Variants in GALK2 observed in about 807,000 individuals in gnomAD.
The protein encoded by GALK2 is N-acetylgalactosamine kinase.
A neutral mutation model predicts 52.4 loss-of-function variants in GALK2; 36 were observed. That is an observed-to-expected ratio of 0.69 (90% confidence interval 0.53 to 0.91). GALK2 has a LOEUF of 0.91. Ranked by LOEUF, GALK2 falls within the 40% of genes least tolerant of loss-of-function variation. The pLI, the probability that GALK2 is intolerant of heterozygous loss-of-function variation, is 0.00. For synonymous variants in GALK2, 176 were observed against 199.1 expected (o/e 0.88, Z 0.98); for missense variants, 579 against 559.1 (o/e 1.04, Z -0.36).
At chr15:49,181,861 T>C (rs2085997537) in intron 1 of GALK2, among the ~76,000 whole-genome samples, 1 of 152,106 alleles carries the variant, frequency 6.6e-6, no homozygotes, top group African/African-American at 2.4e-5. Flanking sequence ...TTATTTTTTA[T>C]GGGTACATAA....
intron 1 of GALK2, among the ~76,000 whole-genome samples, chr15:49,158,142 T>C (rs545380413): frequency 6.6e-6 from 1 of 152,262 alleles, no homozygotes; most frequent in Non-Finnish European, 1.5e-5. Flanking sequence ...GCAGCACACC[T>C]CAGAGAAGGG....
At chr15:49,156,753 T>C (rs556568735) in intron 1 of GALK2, 1 of 569,834 alleles carries the variant, frequency 1.8e-6, no homozygotes, top group East Asian at 4.7e-5. Context: ...GAATATCATT[T>C]AGAACAGAAA....
chr15:49,336,900 G>A (rs1034579302), intron 3 of GALK2, among the ~76,000 whole-genome samples: 6 of 152,066 alleles, frequency 3.9e-5, no homozygotes, highest in African/African-American at 7.2e-5. Context: ...TTGTTGACAC[G>A]TTTATGTCCA....
At chr15:49,266,555 G>T (rs953807326) in intron 5 of GALK2, among the ~76,000 whole-genome samples, 1 of 152,022 alleles carries the variant, frequency 6.6e-6, no homozygotes, top group Non-Finnish European at 1.5e-5. Context: ...TACTTCTCTG[G>T]TCTCCATTTT....
chr15:49,229,810 A>C (rs1265774881), intron 3 of GALK2, among the ~76,000 whole-genome samples: 1 of 151,932 alleles, frequency 6.6e-6, no homozygotes, highest in Admixed American at 6.6e-5. Context: ...TTGGCTGGGG[A>C]GCATGCACTT....
intron 3 of GALK2, chr15:49,353,953 A>G (rs2042645563): frequency 1.3e-5 from 2 of 151,050 alleles, no homozygotes; most frequent in Admixed American, 1.3e-4. Context: ...GGTTAATGGG[A>G]AAAATGTGTG....
intron 3 of GALK2, among the ~76,000 whole-genome samples, chr15:49,361,893 C>T (rs1174487276): frequency 1.3e-5 from 2 of 152,102 alleles, no homozygotes; most frequent in South Asian, 2.1e-4. Flanking sequence ...TTCTCTGCAA[C>T]CTCTCCAGAA....
At chr15:49,233,373 C>T (rs897415987) in intron 3 of GALK2, among the ~76,000 whole-genome samples, 1 of 152,192 alleles carries the variant, frequency 6.6e-6, no homozygotes, top group African/African-American at 2.4e-5. Context: ...CCCACCAGGT[C>T]CCACCTCCAA....
At chr15:49,325,716 T>C (rs2037365233) in intron 9 of GALK2, among the ~76,000 whole-genome samples, 1 of 152,230 alleles carries the variant, frequency 6.6e-6, no homozygotes, top group South Asian at 2.1e-4. Context: ...TTATCATTCT[T>C]TATTTGGGAA....
At chr15:49,323,345 A>C (rs2037059325) in intron 9 of GALK2, among the ~76,000 whole-genome samples, 1 of 152,174 alleles carries the variant, frequency 6.6e-6, no homozygotes, top group Admixed American at 6.5e-5. Context: ...AAAAATGTTA[A>C]CATCAGTAGG....
At chr15:49,343,819 A>G (rs1362546199) in intron 3 of GALK2, 1 of 152,238 alleles carries the variant, frequency 6.6e-6, no homozygotes, top group African/African-American at 2.4e-5. Flanking sequence ...AGATCTGATC[A>G]TACTACACAA....
At chr15:49,169,775 C>T (rs2084946714), upstream of GALK2, among the ~76,000 whole-genome samples, 1 of 152,148 alleles carries the variant, frequency 6.6e-6, no homozygotes, top group Non-Finnish European at 1.5e-5. Flanking sequence ...CTATTTAAAT[C>T]AAGTGATACA....
chr15:49,354,719 G>C (rs1253507860), intron 3 of GALK2, among the ~76,000 whole-genome samples: 1 of 152,286 alleles, frequency 6.6e-6, no homozygotes, highest in East Asian at 1.9e-4. Flanking sequence ...CGGGAAGCTC[G>C]AACTGGGTGG....
chr15:49,222,259 A>G (rs2141408840), intron 3 of GALK2, among the ~76,000 whole-genome samples: 1 of 152,286 alleles, frequency 6.6e-6, no homozygotes, highest in South Asian at 2.1e-4. Context: ...TTATACTGCA[A>G]CTTTACTGAA....
intron 5 of GALK2, among the ~76,000 whole-genome samples, chr15:49,272,303 A>G (rs961960669): frequency 2.0e-5 from 3 of 152,238 alleles, no homozygotes; most frequent in Admixed American, 2.0e-4. Flanking sequence ...GTCTAGCCCT[A>G]GAAGACATTT....
At chr15:49,239,475 A>AG in intron 5 of GALK2, 108 bp downstream of exon 5, 1 of 1,006,596 alleles carries the variant, frequency 9.9e-7, no homozygotes, top group Non-Finnish European at 1.5e-6. Flanking sequence ...CTTCTCTAAA[A>AG]GGACTGCACA....
At chr15:49,272,794 A>G (rs542686216) in intron 5 of GALK2, among the ~76,000 whole-genome samples, 2 of 152,236 alleles carry the variant, frequency 1.3e-5, no homozygotes, top group South Asian at 2.1e-4. Flanking sequence ...CAGGATTCCC[A>G]TGGGCCTAGG....
chr15:49,202,702 C>A (rs575354756), intron 2 of GALK2, among the ~76,000 whole-genome samples: 22 of 152,268 alleles, frequency 1.4e-4, no homozygotes, highest in African/African-American at 5.1e-4. Flanking sequence ...ATGTCCTTTT[C>A]TTTGGATATA....
Position 49,200,816 on chromosome 15 carries a change from C to G in GALK2, c.54-346C>G, listed in dbSNP as rs2141303184. On this transcript the variant is annotated intron_variant, in intron 1 of 9. Coordinates refer to ENST00000560031, the MANE Select transcript of GALK2 (RefSeq NM_002044.4). ...GGTACACTTTTAATGTAAAGAGATT[C>G]TTCCCTGAATGTCACCAAAAAAGTA... is the stretch of plus-strand genomic sequence containing the variant. Among the ~76,000 whole-genome samples the G allele has an allele frequency of 1.3e-5, 2 of 152,288 alleles. 1 individual carries two copies. Among genetic ancestry groups the G allele is most frequent in the Non-Finnish European group, 2.9e-5 (2 of 68,010 alleles).
Sources: gnomAD v4.1 joint callset for allele counts (sites outside exome capture counted in the v4.1 genomes callset) on GRCh38, gnomAD v4.1.1 for gene constraint, MANE v1.5 for transcripts, NCBI Gene and HGNC (gene_info 2026-07-23, HGNC 2026-07-21) for gene names.